The following NFKBID variants were observed in gnomAD, a reference collection of about 807,000 sequenced individuals.
NFKBID encodes the protein NF-kappa-B inhibitor delta.
In NFKBID, 26 loss-of-function variants were observed where a neutral mutation model predicts 53.4. The observed-to-expected ratio is 0.49, with a 90% CI of 0.36 to 0.68. The LOEUF (loss-of-function observed/expected upper bound fraction) is 0.68. NFKBID is among the 30% of genes least tolerant of loss of function. The pLI is 0.00. For missense variants in NFKBID, 493 were observed against 614.1 expected, an observed-to-expected ratio of 0.80 and a Z score of 2.08; for synonymous variants, 262 against 259.8, an observed-to-expected ratio of 1.01 and a Z score of -0.08.
upstream of NFKBID, chr19:35,902,262 T>G (rs981877745): frequency 7.1e-6 from 5 of 704,690 alleles, no homozygotes; most frequent in African/African-American, 8.7e-5. Context: ...CTGTCTAGGA[T>G]CCCTCTCAAA....
intron 10 of NFKBID, 26 bp from the exon 11 acceptor site, chr19:35,890,080 G>A (rs1974652117): frequency 1.9e-6 from 3 of 1,582,214 alleles, no homozygotes; most frequent in Non-Finnish European, 2.6e-6. Flanking sequence ...GAGGGCTGGT[G>A]GGGATCTGGG....
exon 1 of NFKBID, chr19:35,900,584 G>A (rs1754165662): frequency 8.1e-7 from 1 of 1,231,018 alleles, no homozygotes; most frequent in African/African-American, 1.6e-5. Flanking sequence ...TAGGGGTTAT[G>A]GCACCGCCCA....
intron 11 of NFKBID, among the ~76,000 whole-genome samples, chr19:35,889,419 G>A (rs1340136857): frequency 2.0e-5 from 3 of 152,094 alleles, no homozygotes; most frequent in Non-Finnish European, 4.4e-5. Context: ...TCAAGGCCTG[G>A]GTTCGTACAC....
At chr19:35,890,279 T>C (rs879533462) in intron 10 of NFKBID, 95 bp downstream of exon 10, 20 of 940,696 alleles carry the variant, frequency 2.1e-5, no homozygotes, top group African/African-American at 3.3e-5. Flanking sequence ...CCACACATCG[T>C]CCCCTCCACG....
intron 9 of NFKBID, 167 bp from the exon 10 acceptor site, chr19:35,890,657 A>G: frequency 2.8e-6 from 2 of 703,200 alleles, no homozygotes; most frequent in South Asian, 1.4e-5. Context: ...TGAGGCCAGG[A>G]GCTGCAGACC....
chr19:35,898,542 C>A lies in NFKBID; in HGVS notation c.166-10G>T. 4 of 1,522,670 alleles carry A rather than the reference C, an allele frequency of 2.6e-6. No individual in the cohort carries two copies. Among genetic ancestry groups the A allele is most frequent in the Non-Finnish European group, 3.5e-6 (4 of 1,142,800 alleles). The allele number at this position is 1,522,670 out of a possible 1,614,324, so 94.3% of individuals were successfully genotyped here. ...GAGGGAGAAATTGTCCCTGTAGAGACAAAAGCAAAAAGGAACCCAGGTGAC... is the reference window on the plus strand; with the variant it reads ...GAGGGAGAAATTGTCCCTGTAGAGAAAAAAGCAAAAAGGAACCCAGGTGAC... On this transcript the variant is annotated splice_polypyrimidine_tract_variant and intron_variant, in intron 2 of 11. Coordinates refer to ENST00000641389, the Ensembl canonical transcript of NFKBID.
intron 9 of NFKBID, among the ~76,000 whole-genome samples, chr19:35,891,469 T>G (rs1467704325): frequency 6.6e-6 from 1 of 152,162 alleles, no homozygotes; most frequent in African/African-American, 2.4e-5. Flanking sequence ...TGAAAAAAAT[T>G]ATCATTTTAC....
At chr19:35,891,644 G>A (rs1158414360) in intron 9 of NFKBID, among the ~76,000 whole-genome samples, 3 of 152,024 alleles carry the variant, frequency 2.0e-5, no homozygotes, top group Non-Finnish European at 4.4e-5. Flanking sequence ...CAAGGAGGGC[G>A]GATCACTTGA....
intron 9 of NFKBID, 93 bp downstream of exon 9, chr19:35,895,887 G>A: frequency 8.2e-7 from 1 of 1,220,142 alleles, no homozygotes; most frequent in Non-Finnish European, 1.2e-6. Context: ...GCAAGGAAGA[G>A]GCAAAGTCAG....
chr19:35,895,320 C>CAAA (rs74172772), intron 9 of NFKBID, among the ~76,000 whole-genome samples: 1 of 72,182 alleles, frequency 1.4e-5, no homozygotes, highest in African/African-American at 3.7e-5. Flanking sequence ...TACTAAAATA[C>CAAA]AAAAAAAAAA....
chr19:35,897,285 T>C (rs1240230589), intron 4 of NFKBID, among the ~76,000 whole-genome samples: 1 of 152,030 alleles, frequency 6.6e-6, no homozygotes, highest in Non-Finnish European at 1.5e-5. Context: ...GACAGAGTCT[T>C]GCTCTGTCAC....
At chr19:35,890,779 A>G (rs1685154904) in intron 9 of NFKBID, 4 of 408,190 alleles carry the variant, frequency 9.8e-6, no homozygotes, top group Non-Finnish European at 1.4e-5. Flanking sequence ...CAGGAGGTTC[A>G]TTTGAGCCTA....
At chr19:35,897,734 A>C in exon 4 of NFKBID, 1 of 1,613,098 alleles carries the variant, frequency 6.2e-7, no homozygotes, top group Non-Finnish European at 8.5e-7. Context: ...TCGGCAGCAG[A>C]AGCAGGGCAA....
intron 9 of NFKBID, 101 bp from the exon 10 acceptor site, chr19:35,890,591 C>A (rs571229647): frequency 1.2e-6 from 1 of 826,946 alleles, no homozygotes; most frequent in Non-Finnish European, 2.1e-6. Context: ...TGGCGGAGTG[C>A]GGTGGTTCAC....
Position 35,896,184 on chromosome 19 carries a change from C to T in NFKBID, c.883+34G>A. 6.2e-7 allele frequency: 1 copy of T among 1,614,130 alleles called. No homozygotes were observed. The highest frequency in any genetic ancestry group is 1.7e-5 in the Admixed American group (1 of 60,030). On this transcript the variant is annotated intron_variant, in intron 8 of 11. Coordinates refer to ENST00000641389, the Ensembl canonical transcript of NFKBID. The surrounding 1 kb of genome is among the most constrained non-coding windows in gnomAD (Gnocchi z 5.7). ...TCTGCACCCACCTCGCCCAGCCACA[C>T]CAACCACACCAGCCCTGCCCACACC...
At chr19:35,898,901 G>A in intron 1 of NFKBID, 79 bp from the exon 2 acceptor site, 2 of 1,121,182 alleles carry the variant, frequency 1.8e-6, no homozygotes, top group Non-Finnish European at 2.6e-6. Context: ...CGCGGGGAGT[G>A]GGTTTGGGCA....
chr19:35,897,111 G>A (rs760063656), intron 4 of NFKBID, 53 bp from the exon 5 acceptor site: 1 of 1,564,694 alleles, frequency 6.4e-7, no homozygotes, highest in Non-Finnish European at 8.6e-7. Flanking sequence ...GTCCTGGAGG[G>A]TGCAGGTGGT....
At chr19:35,895,825 C>CA (rs1276249083) in intron 9 of NFKBID, among the ~76,000 whole-genome samples, 155 bp downstream of exon 9, 1 of 152,052 alleles carries the variant, frequency 6.6e-6, no homozygotes, top group African/African-American at 2.4e-5. Context: ...AAGAAACAAA[C>CA]AAAAAACCCC....
At chr19:35,895,951 A>G in intron 9 of NFKBID, 29 bp downstream of exon 9, 1 of 1,599,966 alleles carries the variant, frequency 6.3e-7, no homozygotes, top group Non-Finnish European at 8.5e-7. Flanking sequence ...ACAATCTCCC[A>G]GGGTCTGACC....
Sources: gnomAD v4.1 joint callset for allele counts (sites outside exome capture counted in the v4.1 genomes callset) on GRCh38, gnomAD v4.1.1 for gene constraint, Gnocchi (gnomAD v3.1) non-coding constraint, MANE v1.5 for transcripts, NCBI Gene and HGNC (gene_info 2026-07-23, HGNC 2026-07-21) for gene names.